The following TYW1B variants were observed in gnomAD, a reference collection of about 807,000 sequenced individuals.
TYW1B encodes tRNA-yW synthesizing protein 1 homolog B.
Under a neutral mutation model 86.9 loss-of-function variants are expected in TYW1B, and 73 were observed. The ratio of observed to expected loss-of-function variants is 0.84; its 90% CI spans 0.70 to 1.02. The LOEUF (loss-of-function observed/expected upper bound fraction) is 1.02, where lower values mean the gene tolerates loss of function less well. Among genes scored for constraint, TYW1B ranks in the 50% least tolerant of loss-of-function variants. The pLI is 0.00. For synonymous variants in TYW1B, 248 were observed against 292.8 expected (o/e 0.85, Z 1.56); for missense variants, 637 against 827.4 (o/e 0.77, Z 2.82).
At chr7:72,602,322 T>C (rs1268930620) in intron 13 of TYW1B, among the ~76,000 whole-genome samples, 1 of 152,096 alleles carries the variant, frequency 6.6e-6, no homozygotes, top group Non-Finnish European at 1.5e-5. Flanking sequence ...GAGCCAGGTC[T>C]CTCACTGTTG....
At chr7:72,621,067 C>T (rs545789130) in intron 12 of TYW1B, among the ~76,000 whole-genome samples, 1 of 152,178 alleles carries the variant, frequency 6.6e-6, no homozygotes, top group South Asian at 2.1e-4. Context: ...GTTCAAACCT[C>T]ATGCTGAAAT....
At chr7:72,738,888 T>G (rs1298852283) in intron 8 of TYW1B, among the ~76,000 whole-genome samples, 1 of 151,750 alleles carries the variant, frequency 6.6e-6, no homozygotes, top group Non-Finnish European at 1.5e-5. Flanking sequence ...TTGAGAAACA[T>G]AGCGAGACCC....
chr7:72,632,916 G>A (rs1554440230), intron 11 of TYW1B, among the ~76,000 whole-genome samples: 1 of 152,146 alleles, frequency 6.6e-6, no homozygotes, highest in African/African-American at 2.4e-5. Context: ...AAGCTGGGGT[G>A]TGAACCCAAG....
chr7:72,820,993 G>C (rs1162036164), intron 2 of TYW1B, among the ~76,000 whole-genome samples: 2 of 152,170 alleles, frequency 1.3e-5, no homozygotes, highest in East Asian at 3.8e-4. Flanking sequence ...TTGTTGTTGA[G>C]ACAAGGTTTC....
At chr7:72,778,126 G>A (rs1424036919) in intron 6 of TYW1B, among the ~76,000 whole-genome samples, 3 of 152,068 alleles carry the variant, frequency 2.0e-5, no homozygotes, top group African/African-American at 2.4e-5. Flanking sequence ...TTAACTAAGT[G>A]TCAAACATTT....
At chr7:72,696,759 A>G (rs1477752585) in intron 10 of TYW1B, among the ~76,000 whole-genome samples, 1 of 152,138 alleles carries the variant, frequency 6.6e-6, no homozygotes, top group Non-Finnish European at 1.5e-5. Flanking sequence ...ACTTCTGTTC[A>G]CTTCTGTTAA....
intron 9 of TYW1B, among the ~76,000 whole-genome samples, chr7:72,727,880 T>TG (rs1241310523): frequency 1.3e-5 from 2 of 151,212 alleles, no homozygotes; most frequent in African/African-American, 4.9e-5. Flanking sequence ...ACCCAATCTC[T>TG]GGGAAAGGAA....
chr7:72,797,636 G>C (rs2129572406), intron 6 of TYW1B, among the ~76,000 whole-genome samples: 1 of 152,270 alleles, frequency 6.6e-6, no homozygotes, highest in East Asian at 1.9e-4. Context: ...AGGATCCCTT[G>C]AGCCCAGGAG....
At chr7:72,669,231 G>A (rs1360686166) in intron 11 of TYW1B, among the ~76,000 whole-genome samples, 27 of 126,266 alleles carry the variant, frequency 2.1e-4, no homozygotes, top group Non-Finnish European at 9.4e-5. Context: ...TCCAACTTCC[G>A]CCTCCTGGGT....
intron 8 of TYW1B, among the ~76,000 whole-genome samples, chr7:72,730,889 C>A (rs1585937176): frequency 1.5e-5 from 2 of 131,974 alleles, no homozygotes; most frequent in Non-Finnish European, 3.2e-5. Flanking sequence ...TATGGACATT[C>A]AGATCAAGCA....
chr7:72,580,417 G>A lies in TYW1B; in HGVS notation c.1786-4698C>T, dbSNP rs1213464606. Among the ~76,000 whole-genome samples, 7 of 152,220 alleles carry A rather than the reference G, an allele frequency of 4.6e-5. No homozygotes were observed. The East Asian group carries it at 5.8e-4, about 13-fold the overall frequency. ...GGTCACCCTGCTAAAAGAATCCCTC[G>A]AATCCAACAGTAAGGGAAGAACGGA... On this transcript the variant is annotated intron_variant, in intron 13 of 13. Coordinates refer to ENST00000620995, the MANE Select transcript of TYW1B (RefSeq NM_001145440.3).
intron 11 of TYW1B, among the ~76,000 whole-genome samples, chr7:72,680,074 A>G (rs1813832672): frequency 6.6e-6 from 1 of 152,226 alleles, no homozygotes; most frequent in Non-Finnish European, 1.5e-5. Context: ...GGCTGTGGTG[A>G]GCCATGATCA....
In TYW1B at chr7:72,632,365, ACGCATATATAT is replaced by A. The variant is rs1812531245; in HGVS notation, c.1507-3379_1507-3369del. ...TATATATTATATATATTATATATAT[ACGCATATATAT>A]TATATATATACGTATATATATATAA... On this transcript the variant is annotated intron_variant, in intron 11 of 13. Coordinates refer to ENST00000620995, the MANE Select transcript of TYW1B (RefSeq NM_001145440.3). Among the ~76,000 whole-genome samples the A allele has an allele frequency of 2.8e-5, 3 of 107,584 alleles. 1 individual carries two copies. The highest frequency in any genetic ancestry group is 9.5e-5 in the African/African-American group (2 of 21,004). The allele number at this position is 107,584 out of a possible 152,430, so 70.6% of individuals were successfully genotyped here. A position where few individuals can be genotyped will look rare whatever the true frequency, so the allele number is the denominator to read the frequency against.
At chr7:72,700,930 G>A (rs1554452418) in intron 10 of TYW1B, among the ~76,000 whole-genome samples, 1 of 152,108 alleles carries the variant, frequency 6.6e-6, no homozygotes, top group Non-Finnish European at 1.5e-5. Flanking sequence ...AGCCAGGAGT[G>A]CCACATGCCT....
rs186760527 is a variant in TYW1B at position 72,687,537 on chromosome 7, T to C, written c.1506+7150A>G. Among the ~76,000 whole-genome samples the C allele has an allele frequency of 2.2e-4, 33 of 152,300 alleles. No individual in the cohort carries two copies. In the East Asian group the frequency reaches 6.2e-3, roughly 28 times the overall value. On this transcript the variant is annotated intron_variant, in intron 11 of 13. Transcript: ENST00000620995. ...AGAACCACTATTACTTGCAAAATCATGGAGGAATCTCTGAACACTATGTTG... is the reference window on the plus strand; with the variant it reads ...AGAACCACTATTACTTGCAAAATCACGGAGGAATCTCTGAACACTATGTTG...
intron 12 of TYW1B, among the ~76,000 whole-genome samples, chr7:72,620,322 A>G (rs1414622421): frequency 0.011 from 1,280 of 118,698 alleles, no homozygotes; most frequent in African/African-American, 0.02. Context: ...GCTCGAACCC[A>G]GTAGGCGGAG....
intron 11 of TYW1B, among the ~76,000 whole-genome samples, chr7:72,689,611 T>C (rs1319655940): frequency 6.6e-6 from 1 of 152,040 alleles, no homozygotes; most frequent in Non-Finnish European, 1.5e-5. Context: ...GTCTTTAACA[T>C]GACAGTCATA....
chr7:72,826,021 G>A (rs1788923538), intron 2 of TYW1B, among the ~76,000 whole-genome samples: 1 of 152,220 alleles, frequency 6.6e-6, no homozygotes, highest in South Asian at 2.1e-4. Flanking sequence ...ACAGTTCACT[G>A]CTAAAGTTCA....
At chr7:72,674,759 C>CTT (rs10712486) in intron 11 of TYW1B, among the ~76,000 whole-genome samples, 70,119 of 134,068 alleles carry the variant, frequency 0.52, 19,976 homozygotes, top group Non-Finnish European at 0.64. Context: ...CCTTTTCTCT[C>CTT]TTTTTTTTTT....
Sources: gnomAD v4.1 joint callset for allele counts (sites outside exome capture counted in the v4.1 genomes callset) on GRCh38, gnomAD v4.1.1 for gene constraint, MANE v1.5 for transcripts, NCBI Gene and HGNC (gene_info 2026-07-23, HGNC 2026-07-21) for gene names.